The following ASTN2 variants were observed in gnomAD, a reference collection of about 807,000 sequenced individuals.
ASTN2 encodes astrotactin 2.
Under a neutral mutation model 139.8 loss-of-function variants are expected in ASTN2, and 54 were observed. The ratio of observed to expected loss-of-function variants is 0.39; its 90% CI spans 0.31 to 0.48. The LOEUF (loss-of-function observed/expected upper bound fraction) is 0.48, where lower values mean the gene tolerates loss of function less well. ASTN2 is among the 20% of genes least tolerant of loss of function. The probability of loss-of-function intolerance (pLI) is 0.95; values close to 1 mark genes in which losing one functional copy is unlikely to be tolerated. For synonymous variants in ASTN2, 756 were observed against 719.5 expected (o/e 1.05, Z -0.81); for missense variants, 1,565 against 1,725.1 (o/e 0.91, Z 1.64).
At chr9:116,474,186 G>C (rs1170606956) in intron 20 of ASTN2, among the ~76,000 whole-genome samples, 1 of 152,154 alleles carries the variant, frequency 6.6e-6, no homozygotes, top group African/African-American at 2.4e-5. Context: ...AGAGGATCGG[G>C]GCAGATGGGT....
intron 19 of ASTN2, among the ~76,000 whole-genome samples, chr9:116,516,801 G>C (rs1312827155): frequency 1.3e-5 from 2 of 152,230 alleles, no homozygotes; most frequent in African/African-American, 4.8e-5. Flanking sequence ...CTGGCTTTTA[G>C]GACTGTGGGC....
At chr9:117,024,536 C>A (rs1837998833) in intron 6 of ASTN2, among the ~76,000 whole-genome samples, 1 of 151,862 alleles carries the variant, frequency 6.6e-6, no homozygotes, top group African/African-American at 2.4e-5. Context: ...AGAGTCCCTG[C>A]CCGAAAGTAG....
chr9:117,365,636 A>G (rs1829823055), intron 1 of ASTN2, among the ~76,000 whole-genome samples: 1 of 152,156 alleles, frequency 6.6e-6, no homozygotes, highest in Non-Finnish European at 1.5e-5. Context: ...CATCCCAGTA[A>G]AAATAGACCA....
chr9:117,326,968 G>A (rs1404729047), intron 1 of ASTN2, among the ~76,000 whole-genome samples: 1 of 152,130 alleles, frequency 6.6e-6, no homozygotes, highest in East Asian at 1.9e-4. Flanking sequence ...TTTGGCACTA[G>A]GTACCTGTTT....
At chr9:116,947,235 T>C (rs113278776) in intron 10 of ASTN2, among the ~76,000 whole-genome samples, 1 of 152,300 alleles carries the variant, frequency 6.6e-6, no homozygotes, top group African/African-American at 2.4e-5. Flanking sequence ...AGAAACTTAG[T>C]TTCTTACTGA....
chr9:116,729,092 A>G lies in ASTN2; in HGVS notation c.2526T>C (p.Asp842=). Residue 842 remains aspartate (D), a synonymous_variant, in exon 15 of 23, where the codon GAT becomes GAC. Coordinates refer to ENST00000313400, the MANE Select transcript of ASTN2 (RefSeq NM_001365068.1). ...AACCCATGGCCTCATCATACCTGAT[A>G]TCTCCTGGGAGAGAAAATAAGATGG... ...PLPDLQLLTG[D]IRYDEAMGYP... 1 of 1,581,246 alleles carries G rather than the reference A, an allele frequency of 6.3e-7. No homozygotes were observed. Among genetic ancestry groups the G allele is most frequent in the Non-Finnish European group, 8.6e-7 (1 of 1,162,366 alleles).
chr9:117,093,290 C>T (rs1240605833), intron 5 of ASTN2, among the ~76,000 whole-genome samples: 1 of 152,190 alleles, frequency 6.6e-6, no homozygotes, highest in Non-Finnish European at 1.5e-5. Context: ...CAATTTCTCT[C>T]CCTCCCTATC....
intron 2 of ASTN2, among the ~76,000 whole-genome samples, chr9:117,222,770 C>T (rs180683559): frequency 1.4e-4 from 22 of 152,234 alleles, no homozygotes; most frequent in African/African-American, 3.1e-4. Flanking sequence ...CACAGCGCTT[C>T]GCCTTAACCC....
At chr9:117,060,464 G>GA in intron 5 of ASTN2, among the ~76,000 whole-genome samples, 1 of 48,278 alleles carries the variant, frequency 2.1e-5, no homozygotes, top group East Asian at 9.5e-4. Context: ...AAGAAAGGAA[G>GA]GAAGGAAGGA....
At chr9:117,333,239 T>C (rs1451998102) in intron 1 of ASTN2, among the ~76,000 whole-genome samples, 1 of 152,196 alleles carries the variant, frequency 6.6e-6, no homozygotes, top group African/African-American at 2.4e-5. Context: ...GCCATTGACA[T>C]GTGCCACCTC....
intron 4 of ASTN2, among the ~76,000 whole-genome samples, chr9:117,121,817 T>C (rs1829565612): frequency 6.6e-6 from 1 of 152,198 alleles, no homozygotes; most frequent in African/African-American, 2.4e-5. Context: ...GGAAGCCAGT[T>C]CATCTTCACA....
At chr9:117,334,484 CTT>C (rs113282368) in intron 1 of ASTN2, among the ~76,000 whole-genome samples, 45 of 140,292 alleles carry the variant, frequency 3.2e-4, no homozygotes, top group Admixed American at 5.0e-4. Flanking sequence ...TATATCAGGG[CTT>C]TTTTTTTTTT....
chr9:117,102,002 C>G (rs1828990112), intron 4 of ASTN2, among the ~76,000 whole-genome samples: 1 of 152,074 alleles, frequency 6.6e-6, no homozygotes, highest in South Asian at 2.1e-4. Flanking sequence ...ACAGAATTAC[C>G]ACATGATGCA....
intron 4 of ASTN2, among the ~76,000 whole-genome samples, chr9:117,118,736 C>T (rs1829467460): frequency 6.6e-6 from 1 of 152,192 alleles, no homozygotes; most frequent in Non-Finnish European, 1.5e-5. Flanking sequence ...GCCCTTCTCA[C>T]TCACCCTGGT....
chr9:116,574,304 C>CT (rs1262798741), intron 19 of ASTN2, among the ~76,000 whole-genome samples: 1 of 152,122 alleles, frequency 6.6e-6, no homozygotes, highest in Non-Finnish European at 1.5e-5. Flanking sequence ...CTTGCCAAGC[C>CT]TTAAGTAAGA....
chr9:116,522,849 T>C (rs763347993), intron 19 of ASTN2, among the ~76,000 whole-genome samples: 4 of 152,150 alleles, frequency 2.6e-5, no homozygotes, highest in Non-Finnish European at 4.4e-5. Context: ...CCCAGTTTTG[T>C]CTTCCACTAA....
chr9:117,001,781 G>A (rs980866023), intron 7 of ASTN2, among the ~76,000 whole-genome samples: 2 of 152,022 alleles, frequency 1.3e-5, no homozygotes, highest in Admixed American at 6.6e-5. Flanking sequence ...TCAGGCATGG[G>A]GCACTTTGTT....
chr9:117,403,826 AC>A (rs1178428122), intron 1 of ASTN2, among the ~76,000 whole-genome samples: 1 of 151,962 alleles, frequency 6.6e-6, no homozygotes, highest in East Asian at 1.9e-4. Flanking sequence ...TCCTCAAACA[AC>A]CCCGGAATTC....
At chr9:117,098,444 C>G (rs1308694296) in intron 4 of ASTN2, among the ~76,000 whole-genome samples, 1 of 152,124 alleles carries the variant, frequency 6.6e-6, no homozygotes, top group Non-Finnish European at 1.5e-5. Context: ...TATCTGCCTC[C>G]CCACACCCAT....
Sources: gnomAD v4.1 joint callset for allele counts (sites outside exome capture counted in the v4.1 genomes callset) on GRCh38, gnomAD v4.1.1 for gene constraint, MANE v1.5 for transcripts, NCBI Gene and HGNC (gene_info 2026-07-23, HGNC 2026-07-21) for gene names.